Variants in SPMAP2L observed in about 807,000 individuals in gnomAD.
The protein encoded by SPMAP2L is sperm microtubule associated protein 2-like.
At chr4:56,580,658 A>C in the SPMAP2L span, among the ~76,000 whole-genome samples, 4,395 of 152,150 alleles carry the variant, frequency 0.029, 207 homozygotes, top group African/African-American at 0.1. Context: ...AATAAAAAAA[A>C]ATAAAGGGCA....
the SPMAP2L span, among the ~76,000 whole-genome samples, chr4:56,622,836 C>T: frequency 1.3e-5 from 2 of 152,198 alleles, no homozygotes; most frequent in South Asian, 4.1e-4. Context: ...ACTTTATTCT[C>T]CATAACTCAG....
At chr4:56,578,856 T>C in the SPMAP2L span, among the ~76,000 whole-genome samples, 1 of 151,910 alleles carries the variant, frequency 6.6e-6, no homozygotes, top group Non-Finnish European at 1.5e-5. Context: ...GGTGAGAGGA[T>C]TGCTTGAGGC....
chr4:56,537,187 TTC>T, the SPMAP2L span, among the ~76,000 whole-genome samples: 7 of 152,198 alleles, frequency 4.6e-5, no homozygotes, highest in African/African-American at 1.7e-4. Context: ...CTGTTTCTCC[TTC>T]TCAGGCTCCT....
At chr4:56,535,460 T>C in the SPMAP2L span, among the ~76,000 whole-genome samples, 1 of 152,176 alleles carries the variant, frequency 6.6e-6, no homozygotes, top group Admixed American at 6.5e-5. Context: ...TCTGTTCTAA[T>C]TACTGGTGCA....
At chr4:56,554,818 C>T in the SPMAP2L span, among the ~76,000 whole-genome samples, 1 of 152,004 alleles carries the variant, frequency 6.6e-6, no homozygotes, top group Non-Finnish European at 1.5e-5. Context: ...TTTATATTTA[C>T]ATCTAGACAC....
chr4:56,594,612 G>A, the SPMAP2L span: 119 of 1,485,040 alleles, frequency 8.0e-5, no homozygotes, highest in Middle Eastern at 1.7e-4. Flanking sequence ...TCAACACATG[G>A]GACCAACCCA....
At chr4:56,575,560 C>T in the SPMAP2L span, 4 of 1,535,290 alleles carry the variant, frequency 2.6e-6, no homozygotes, top group South Asian at 3.6e-5. Flanking sequence ...GATCACTCCT[C>T]CTGCATTGTT....
chr4:56,552,212 G>A, the SPMAP2L span, among the ~76,000 whole-genome samples: 1 of 152,200 alleles, frequency 6.6e-6, no homozygotes, highest in Non-Finnish European at 1.5e-5. Flanking sequence ...AGAATCCAGT[G>A]CCACCAAGCC....
chr4:56,606,049 C>T, the SPMAP2L span, among the ~76,000 whole-genome samples: 51 of 152,248 alleles, frequency 3.3e-4, no homozygotes, highest in East Asian at 9.9e-3. Context: ...TTAATCAAGC[C>T]CTTTCCTCGG....
chr4:56,594,364 A>T, the SPMAP2L span: 1 of 1,552,716 alleles, frequency 6.4e-7, no homozygotes, highest in Non-Finnish European at 8.9e-7. Flanking sequence ...CTGAACTCGC[A>T]CCTATCACAT....
chr4:56,530,750 C>A, the SPMAP2L span: 2 of 1,535,402 alleles, frequency 1.3e-6, no homozygotes, highest in Non-Finnish European at 1.7e-6. Context: ...ACAGAAATAT[C>A]CACTTGCTCC....
chr4:56,542,459 T>C, the SPMAP2L span, among the ~76,000 whole-genome samples: 1 of 151,924 alleles, frequency 6.6e-6, no homozygotes, highest in Non-Finnish European at 1.5e-5. Flanking sequence ...TTTACCTTTT[T>C]TTTTTTTTTA....
At chr4:56,535,649 G>A in the SPMAP2L span, among the ~76,000 whole-genome samples, 1 of 152,104 alleles carries the variant, frequency 6.6e-6, no homozygotes, top group Non-Finnish European at 1.5e-5. Flanking sequence ...TCTTTAACTC[G>A]GTGTCTGAGG....
At chr4:56,584,568 C>CA in the SPMAP2L span, 6 of 1,535,298 alleles carry the variant, frequency 3.9e-6, no homozygotes, top group South Asian at 5.9e-5. Flanking sequence ...TTACAACTCT[C>CA]AGTAGCCAAA....
chr4:56,600,888 T>C, the SPMAP2L span: 5 of 1,498,452 alleles, frequency 3.3e-6, no homozygotes, highest in Non-Finnish European at 4.4e-6. Flanking sequence ...CATAGAGAAA[T>C]GTAAAATTTG....
the SPMAP2L span, among the ~76,000 whole-genome samples, chr4:56,574,705 C>T: frequency 6.6e-6 from 1 of 152,078 alleles, no homozygotes; most frequent in African/African-American, 2.4e-5. Flanking sequence ...AATTGCCAGG[C>T]ATGGTGGCTC....
the SPMAP2L span, chr4:56,593,891 C>T: frequency 1.4e-5 from 23 of 1,609,932 alleles, no homozygotes; most frequent in Non-Finnish European, 2.0e-5. Flanking sequence ...TAGGAGAGTA[C>T]ATAATGCCAC....
At chr4:56,563,549 A>G in the SPMAP2L span, among the ~76,000 whole-genome samples, 7 of 152,338 alleles carry the variant, frequency 4.6e-5, no homozygotes, top group Admixed American at 4.6e-4. Context: ...GGGAGCTTAA[A>G]GTAACAAGAG....
chr4:56,625,882 C>A, the SPMAP2L span, among the ~76,000 whole-genome samples: 1 of 152,234 alleles, frequency 6.6e-6, no homozygotes, highest in African/African-American at 2.4e-5. Context: ...AGTTATTTCT[C>A]AACAGAGTGA....
Sources: allele counts gnomAD v4.1 joint callset (sites outside exome capture counted in the v4.1 genomes callset), GRCh38; gene constraint gnomAD v4.1.1; transcripts MANE v1.5; gene names NCBI Gene and HGNC (gene_info 2026-07-23, HGNC 2026-07-21).